Variants in BRD4 observed in about 807,000 individuals in gnomAD.
BRD4 encodes the protein bromodomain-containing protein 4.
Under a neutral mutation model 142.1 loss-of-function variants are expected in BRD4, and 16 were observed. The ratio of observed to expected loss-of-function variants is 0.11; its 90% CI spans 0.08 to 0.17. BRD4 has a LOEUF of 0.17. BRD4 is among the 10% of genes least tolerant of loss of function. The pLI is 1.00. For synonymous variants in BRD4, 833 were observed against 707.5 expected, an observed-to-expected ratio of 1.18 and a Z score of -2.82; for missense variants, 1,424 against 1,810.9, an observed-to-expected ratio of 0.79 and a Z score of 3.88.
intron 1 of BRD4, among the ~76,000 whole-genome samples, chr19:15,321,658 G>A (rs773441695): frequency 6.6e-6 from 1 of 152,040 alleles, no homozygotes; most frequent in Non-Finnish European, 1.5e-5. Context: ...ACTCCCTTCT[G>A]TTTCAGCTAA....
chr19:15,318,008 T>C (rs2048030916), intron 1 of BRD4, among the ~76,000 whole-genome samples: 2 of 152,226 alleles, frequency 1.3e-5, no homozygotes, highest in African/African-American at 4.8e-5. Context: ...CTGAAAGTGC[T>C]TCAGAGCCAA....
Position 15,243,243 on chromosome 19 carries a change from C to T in BRD4, c.2826G>A (p.Thr942=), listed in dbSNP as rs759439799. ...GCACCTTCACGGAAGGGAGTAGCGG[C>T]GTAGGGGGCTGCACCTTCTGCAGCT... The part of the protein sequence containing the change: ...LQQLQKVQPP[T]PLLPSVKVQS... The change falls in exon 14 of 20, where the codon ACG becomes ACA. Residue 942 remains threonine, a synonymous_variant. Transcript: ENST00000679869. 8 of 1,405,192 alleles carry T rather than the reference C, an allele frequency of 5.7e-6. No individual in the cohort carries two copies. Among genetic ancestry groups the T allele is most frequent in the Non-Finnish European group, 3.8e-6 (4 of 1,056,040 alleles). The allele number at this position is 1,405,192 out of a possible 1,614,324, so 87.0% of individuals were successfully genotyped here.
intron 1 of BRD4, among the ~76,000 whole-genome samples, chr19:15,301,894 C>T (rs2047871629): frequency 6.9e-6 from 1 of 144,430 alleles, no homozygotes; most frequent in Non-Finnish European, 1.5e-5. Flanking sequence ...AAAAAAGTTG[C>T]TGAGTCTCAC....
intron 1 of BRD4, among the ~76,000 whole-genome samples, chr19:15,308,585 TAA>T (rs894226842): frequency 5.9e-5 from 7 of 119,310 alleles, no homozygotes; most frequent in Non-Finnish European, 5.4e-5. Context: ...AGAGTCTACC[TAA>T]AAAAAAAAAA....
Position 15,255,199 on chromosome 19 carries a change from A to G in BRD4, c.2047+98T>C, listed in dbSNP as rs116468025. On this transcript the variant is annotated intron_variant, in intron 10 of 19. Coordinates refer to ENST00000679869, the MANE Select transcript of BRD4 (RefSeq NM_001379291.1). ...CAGATATTATAATTGGAAAAAAAAA[A>G]GGGGGGGGGCGCAGAAAGAGTGGAC... The G allele has an allele frequency of 2.7e-3, 2,860 of 1,067,590 alleles. 18 individuals are homozygous for G. Among genetic ancestry groups the G allele is most frequent in the East Asian group, 7.9e-3 (305 of 38,564 alleles). The allele number at this position is 1,067,590 out of a possible 1,614,324, so 66.1% of individuals were successfully genotyped here. A position where few individuals can be genotyped will look rare whatever the true frequency, so the allele number is the denominator to read the frequency against.
intron 1 of BRD4, among the ~76,000 whole-genome samples, chr19:15,294,651 C>T (rs770476437): frequency 3.9e-5 from 6 of 152,178 alleles, no homozygotes; most frequent in Non-Finnish European, 7.4e-5. Context: ...AAATGTTCAT[C>T]GAGCCAATCA....
chr19:15,295,574 T>C (rs1199198863), intron 1 of BRD4, among the ~76,000 whole-genome samples: 1 of 152,236 alleles, frequency 6.6e-6, no homozygotes, highest in African/African-American at 2.4e-5. Context: ...AAGACAAGCA[T>C]ATTCTTACTA....
chr19:15,314,528 T>C (rs574711807), intron 1 of BRD4, among the ~76,000 whole-genome samples: 1 of 152,242 alleles, frequency 6.6e-6, no homozygotes, highest in East Asian at 1.9e-4. Context: ...AGCCCTCACA[T>C]CCATCCTCCT....
chr19:15,269,368 TAAG>T (rs528601550), intron 2 of BRD4, among the ~76,000 whole-genome samples: 1 of 152,336 alleles, frequency 6.6e-6, no homozygotes, highest in African/African-American at 2.4e-5. Context: ...TTTTAATAAA[TAAG>T]GGGGAAACCA....
At chr19:15,252,180 A>T (rs2047354817) in intron 11 of BRD4, among the ~76,000 whole-genome samples, 1 of 152,176 alleles carries the variant, frequency 6.6e-6, no homozygotes, top group Non-Finnish European at 1.5e-5. Context: ...GGAGCCCAGA[A>T]GAGGGACGCA....
intron 1 of BRD4, among the ~76,000 whole-genome samples, chr19:15,328,509 A>G (rs2048128977): frequency 6.6e-6 from 1 of 152,218 alleles, no homozygotes; most frequent in Non-Finnish European, 1.5e-5. Context: ...TAAGTTTACT[A>G]CAACACCGAG....
chr19:15,322,555 A>ACAC (rs200736715), intron 1 of BRD4, among the ~76,000 whole-genome samples: 1 of 93,604 alleles, frequency 1.1e-5, no homozygotes, highest in African/African-American at 4.2e-5. Context: ...TAAAACATAC[A>ACAC]AAAAAAAAAA....
intron 1 of BRD4, among the ~76,000 whole-genome samples, chr19:15,301,954 G>A (rs1047076396): frequency 4.0e-5 from 6 of 151,774 alleles, no homozygotes; most frequent in African/African-American, 1.5e-4. Flanking sequence ...ATCATTTGAG[G>A]TCAGGAGTTT....
At position 15,292,777 on chromosome 19, in the gene BRD4, C is replaced by CAAAAAAAAAAAAAAAAAAAAA. The variant is rs57341445; in HGVS notation, c.-34-19665_-34-19645dup. On this transcript the variant is annotated intron_variant, in intron 1 of 19. Transcript: ENST00000679869. ...TAGGTGACAGATCAAGACTCCGTCT[C>CAAAAAAAAAAAAAAAAAAAAA]AAAAAAAAAAAAAAAAAAAAAAAAA... Among the ~76,000 whole-genome samples, 19 of 57,256 alleles carry CAAAAAAAAAAAAAAAAAAAAA rather than the reference C, an allele frequency of 3.3e-4. 1 individual carries two copies. The highest frequency in any genetic ancestry group is 8.5e-4 in the South Asian group (1 of 1,170). The allele number at this position is 57,256 out of a possible 152,430, so 37.6% of individuals were successfully genotyped here. A position where few individuals can be genotyped will look rare whatever the true frequency, so the allele number is the denominator to read the frequency against.
intron 1 of BRD4, among the ~76,000 whole-genome samples, chr19:15,282,101 T>TA (rs2047709359): frequency 6.6e-6 from 1 of 152,198 alleles, no homozygotes; most frequent in African/African-American, 2.4e-5. Context: ...ACTTTTCCTG[T>TA]AAAGGGCCAG....
chr19:15,239,535 C>T lies in BRD4; in HGVS notation c.3446-13G>A, dbSNP rs752635556. On this transcript the variant is annotated splice_polypyrimidine_tract_variant and intron_variant, in intron 16 of 19. Coordinates refer to ENST00000679869, the MANE Select transcript of BRD4 (RefSeq NM_001379291.1). This position sits in a 1 kb window ranked among gnomAD's most constrained non-coding sequence, Gnocchi z 7.4. ...TTCATTTCCGGCCCTGGAACATAAA[C>T]AGCCGGTGGGCCCTGGCCCACCTCA... The T allele has an allele frequency of 1.2e-6, 2 of 1,606,220 alleles. No individual in the cohort carries two copies. Among genetic ancestry groups the T allele is most frequent in the East Asian group, 2.2e-5 (1 of 44,824 alleles).
intron 1 of BRD4, among the ~76,000 whole-genome samples, chr19:15,324,437 T>G (rs1488838221): frequency 6.6e-6 from 1 of 152,254 alleles, no homozygotes; most frequent in African/African-American, 2.4e-5. Context: ...CTGGTTCTTC[T>G]GGTCAAAAGG....
At position 15,236,544 on chromosome 19, in the gene BRD4, G is replaced by A. The variant is rs963339386; in HGVS notation, c.*1833C>T. 1 of 152,786 alleles carries A rather than the reference G, an allele frequency of 6.5e-6. No homozygotes were observed. The highest frequency in any genetic ancestry group is 2.4e-5 in the African/African-American group (1 of 41,426). 9.5% of individuals were successfully genotyped at this position (152,786 alleles called of 1,614,324 possible). A position where few individuals can be genotyped will look rare whatever the true frequency, so the allele number is the denominator to read the frequency against. ...TAGGGGGGACAGGATGGAGTAGGGTGGAGGGGAAGAATACTGTCTGGAGTC... is the reference window on the plus strand; with the variant it reads ...TAGGGGGGACAGGATGGAGTAGGGTAGAGGGGAAGAATACTGTCTGGAGTC... On this transcript the variant is annotated 3_prime_UTR_variant, in exon 20 of 20. Coordinates refer to ENST00000679869, the MANE Select transcript of BRD4 (RefSeq NM_001379291.1).
At chr19:15,281,929 A>C (rs147043401) in intron 1 of BRD4, among the ~76,000 whole-genome samples, 12 of 152,272 alleles carry the variant, frequency 7.9e-5, no homozygotes, top group African/African-American at 2.9e-4. Context: ...GAGGCAGGAT[A>C]ATTGCTTGAA....
Sources: allele counts gnomAD v4.1 joint callset (sites outside exome capture counted in the v4.1 genomes callset), GRCh38; gene constraint gnomAD v4.1.1; non-coding constraint Gnocchi (gnomAD v3.1); transcripts MANE v1.5; gene names NCBI Gene and HGNC (gene_info 2026-07-23, HGNC 2026-07-21).